The following PLXNA4 variants were observed in gnomAD, a reference collection of about 807,000 sequenced individuals.
PLXNA4 encodes plexin-A4.
A neutral mutation model predicts 191.8 loss-of-function variants in PLXNA4; 44 were observed. The ratio of observed to expected loss-of-function variants is 0.23; its 90% CI spans 0.18 to 0.29. The LOEUF (loss-of-function observed/expected upper bound fraction) is 0.29, where lower values mean the gene tolerates loss of function less well. Ranked by LOEUF, PLXNA4 falls within the 10% of genes least tolerant of loss-of-function variation. The pLI is 1.00. For synonymous variants in PLXNA4, 1,082 were observed against 1,009.5 expected (o/e 1.07, Z -1.36); for missense variants, 1,800 against 2,488.8 (o/e 0.72, Z 5.89).
chr7:132,444,480 C>T (rs1795820705), intron 3 of PLXNA4, among the ~76,000 whole-genome samples: 1 of 152,236 alleles, frequency 6.6e-6, no homozygotes, highest in South Asian at 2.1e-4. Context: ...ATCTCGAACT[C>T]TTGACCTCCC....
intron 2 of PLXNA4, among the ~76,000 whole-genome samples, chr7:132,500,251 T>C (rs1287564273): frequency 6.6e-6 from 1 of 152,130 alleles, no homozygotes; most frequent in Non-Finnish European, 1.5e-5. Flanking sequence ...GAAACCAGCT[T>C]GGCCAGCGTG....
chr7:132,545,704 A>C (rs1231739323), intron 1 of PLXNA4, among the ~76,000 whole-genome samples: 1 of 151,592 alleles, frequency 6.6e-6, no homozygotes. Flanking sequence ...CAGGAAAAGA[A>C]AAAAAAAATG....
chr7:132,450,749 TG>T (rs1199479035), intron 3 of PLXNA4, among the ~76,000 whole-genome samples: 2 of 152,144 alleles, frequency 1.3e-5, no homozygotes, highest in Admixed American at 6.5e-5. Context: ...GCCCCCTTAG[TG>T]GGCCTCTTCA....
intron 2 of PLXNA4, among the ~76,000 whole-genome samples, chr7:132,621,268 G>GTTT (rs542790311): frequency 1.2e-5 from 1 of 83,200 alleles, no homozygotes; most frequent in African/African-American, 3.9e-5. Context: ...TGGTTTTTTT[G>GTTT]TTTTTTTTTT....
chr7:132,571,719 G>A (rs934028567), intron 1 of PLXNA4, among the ~76,000 whole-genome samples: 1 of 152,174 alleles, frequency 6.6e-6, no homozygotes, highest in Non-Finnish European at 1.5e-5. Flanking sequence ...AAGATGAAAT[G>A]AGGAAGTGTT....
intron 12 of PLXNA4, among the ~76,000 whole-genome samples, chr7:132,200,799 G>C (rs1237822369): frequency 6.6e-6 from 1 of 152,246 alleles, no homozygotes; most frequent in Non-Finnish European, 1.5e-5. Context: ...AATAACCTAG[G>C]AGAACATTAC....
intron 3 of PLXNA4, among the ~76,000 whole-genome samples, chr7:132,308,928 AG>A (rs1325837868): frequency 6.7e-4 from 102 of 152,122 alleles, no homozygotes; most frequent in Non-Finnish European, 1.9e-4. Context: ...TAAAGAGGCT[AG>A]AAGATGTGGC....
At chr7:132,456,155 C>CAGGT (rs1428773269) in intron 3 of PLXNA4, among the ~76,000 whole-genome samples, 26 of 150,174 alleles carry the variant, frequency 1.7e-4, no homozygotes, top group African/African-American at 6.4e-4. Flanking sequence ...CTCTGTCACC[C>CAGGT]AGGTTGGAGT....
intron 2 of PLXNA4, among the ~76,000 whole-genome samples, chr7:132,613,255 C>G (rs1438539207): frequency 1.3e-5 from 2 of 152,130 alleles, no homozygotes; most frequent in East Asian, 3.9e-4. Flanking sequence ...CAGCCTGGGC[C>G]TCCTCTCCTC....
intron 3 of PLXNA4, 86 bp downstream of exon 3, chr7:132,489,206 G>A (rs1363720824): frequency 4.9e-6 from 7 of 1,415,676 alleles, no homozygotes; most frequent in Non-Finnish European, 6.7e-6. Flanking sequence ...ACACGCCCAA[G>A]TTAGCAAAAA....
At chr7:132,482,288 C>A (rs73444827) in intron 3 of PLXNA4, among the ~76,000 whole-genome samples, 1 of 152,180 alleles carries the variant, frequency 6.6e-6, no homozygotes, top group Admixed American at 6.5e-5. Flanking sequence ...CCTTGCTCAG[C>A]CTCTTTCTCG....
intron 2 of PLXNA4, among the ~76,000 whole-genome samples, chr7:132,497,191 G>C (rs764993261): frequency 6.6e-6 from 1 of 152,020 alleles, no homozygotes; most frequent in Non-Finnish European, 1.5e-5. Context: ...ACTGGAAATG[G>C]GGAATCAGTG....
chr7:132,393,697 C>T (rs1321564846), intron 3 of PLXNA4, among the ~76,000 whole-genome samples: 1 of 152,104 alleles, frequency 6.6e-6, no homozygotes, highest in Admixed American at 6.5e-5. Context: ...GTAGACATGG[C>T]AAGGGAAGTG....
intron 3 of PLXNA4, among the ~76,000 whole-genome samples, chr7:132,303,240 A>G (rs1300203163): frequency 1.4e-5 from 2 of 138,722 alleles, no homozygotes; most frequent in Non-Finnish European, 3.1e-5. Context: ...GGATGAAAAC[A>G]GAAGTTGATT....
chr7:132,559,867 T>C (rs756949372), intron 1 of PLXNA4, among the ~76,000 whole-genome samples: 1 of 152,250 alleles, frequency 6.6e-6, no homozygotes, highest in Non-Finnish European at 1.5e-5. Flanking sequence ...TACTAAGCCC[T>C]AGACTGTGTC....
intron 9 of PLXNA4, among the ~76,000 whole-genome samples, chr7:132,219,398 A>C (rs1408547806): frequency 2.0e-5 from 3 of 152,140 alleles, no homozygotes; most frequent in Non-Finnish European, 2.9e-5. Context: ...TTCTACTTAC[A>C]ATGACAGAAC....
chr7:132,284,641 C>A (rs970899255), intron 4 of PLXNA4, among the ~76,000 whole-genome samples: 1 of 152,156 alleles, frequency 6.6e-6, no homozygotes, highest in Non-Finnish European at 1.5e-5. Flanking sequence ...GAGGCCAGAG[C>A]CAACCAGGAG....
At chr7:132,176,562 CAG>C (rs1427549258) in intron 20 of PLXNA4, among the ~76,000 whole-genome samples, 2 of 151,336 alleles carry the variant, frequency 1.3e-5, no homozygotes, top group African/African-American at 4.9e-5. Flanking sequence ...GTGAGCATGT[CAG>C]GGAGTGTGTG....
At chr7:132,242,477 C>T (rs1798914282) in intron 4 of PLXNA4, among the ~76,000 whole-genome samples, 1 of 152,170 alleles carries the variant, frequency 6.6e-6, no homozygotes, top group Non-Finnish European at 1.5e-5. Flanking sequence ...CAATTAGTCT[C>T]CAACTCTCTT....
Sources: gnomAD v4.1 joint callset for allele counts (sites outside exome capture counted in the v4.1 genomes callset) on GRCh38, gnomAD v4.1.1 for gene constraint, MANE v1.5 for transcripts, NCBI Gene and HGNC (gene_info 2026-07-23, HGNC 2026-07-21) for gene names.